Variants in HSD17B4 observed in about 807,000 individuals in gnomAD.
HSD17B4 encodes hydroxysteroid 17-beta dehydrogenase 4.
Under a neutral mutation model 101.0 loss-of-function variants are expected in HSD17B4, and 70 were observed. The ratio of observed to expected loss-of-function variants is 0.69; its 90% CI spans 0.57 to 0.85. The LOEUF is 0.85. HSD17B4 is among the 40% of genes least tolerant of loss of function. HSD17B4 has a pLI of 0.00. For missense variants in HSD17B4, 984 were observed against 892.4 expected (o/e 1.10, Z -1.31); for synonymous variants, 347 against 297.1 (o/e 1.17, Z -1.73).
At position 119,531,269 on chromosome 5, in the gene HSD17B4, G is replaced by A. The variant is rs778265488; in HGVS notation, c.1858G>A (p.Gly620Arg). 5.0e-6 allele frequency: 8 copies of A among 1,613,286 alleles called. No individual in the cohort carries two copies. The highest frequency in any genetic ancestry group is 2.2e-5 in the East Asian group (1 of 44,870). Residue 620 changes from glycine to arginine, a missense_variant, in exon 22 of 24, where the codon GGG (glycine) becomes AGG (arginine). Coordinates refer to ENST00000510025, the MANE Select transcript of HSD17B4 (RefSeq NM_000414.4). The part of the protein sequence containing the change: ...GTSAKTPSEG[G>R]KLQSTFVFEE... The stretch of plus-strand genomic sequence containing the variant: ...TTTATTTTGTTGTCGTTGTTAGGGC[G>A]GGAAGCTTCAGAGTACCTTTGTATT...
rs34353289 is a variant in HSD17B4, at chr5:119,452,548, C to T, written c.-28C>T. On this transcript the variant is annotated 5_prime_UTR_variant, in exon 1 of 24. Coordinates refer to ENST00000510025, the MANE Select transcript of HSD17B4 (RefSeq NM_000414.4). ...TCGGCGTCCAGCGGCTCTGCTTGTT[C>T]GTGTGTGTGTCGTTGCAGGCCTTAT... is the stretch of plus-strand genomic sequence containing the variant. 955 of 1,613,824 alleles carry T rather than the reference C, an allele frequency of 5.9e-4. 6 individuals are homozygous for T. The African/African-American group carries it at 0.011, about 19-fold the overall frequency.
chr5:119,461,544 T>C (rs760780100), intron 2 of HSD17B4, among the ~76,000 whole-genome samples: 7 of 152,178 alleles, frequency 4.6e-5, no homozygotes, highest in Non-Finnish European at 8.8e-5. Flanking sequence ...TCTATTTACC[T>C]ACTTATAGAA....
At chr5:119,457,769 T>A (rs911766272) in intron 2 of HSD17B4, among the ~76,000 whole-genome samples, 1 of 152,240 alleles carries the variant, frequency 6.6e-6, no homozygotes, top group African/African-American at 2.4e-5. Flanking sequence ...GATCTTGTTT[T>A]ATCTTTTGTA....
At chr5:119,486,387 G>GT (rs1749613448) in intron 8 of HSD17B4, among the ~76,000 whole-genome samples, 1 of 152,026 alleles carries the variant, frequency 6.6e-6, no homozygotes, top group African/African-American at 2.4e-5. Flanking sequence ...TCCATAACTT[G>GT]TGTCTATTTT....
intron 4 of HSD17B4, 37 bp downstream of exon 4, chr5:119,474,497 C>A: frequency 8.4e-7 from 1 of 1,194,802 alleles, no homozygotes. Context: ...TGTGGAGCAA[C>A]TTCTACCTTC....
In HSD17B4 at chr5:119,527,040, T is replaced by C. The variant is rs73251672; in HGVS notation, c.1681-93T>C. 85,917 of 727,366 alleles carry C rather than the reference T, an allele frequency of 0.12. 5,654 individuals are homozygous for C. Among genetic ancestry groups the C allele is most frequent in the South Asian group, 0.16 (10,415 of 64,062 alleles). 45.1% of individuals were successfully genotyped at this position (727,366 alleles called of 1,614,324 possible). On this transcript the variant is annotated intron_variant, in intron 19 of 23. Transcript: ENST00000510025. ...TTTAAACCTTGATTTTTTTTTTCTT[T>C]TGTGCTCTCTAGTTTCCTTTCCAAT...
intron 22 of HSD17B4, among the ~76,000 whole-genome samples, chr5:119,532,686 C>T (rs1462375293): frequency 6.6e-6 from 1 of 151,912 alleles, no homozygotes; most frequent in Non-Finnish European, 1.5e-5. Context: ...CCTTTGAATC[C>T]TATTTTATTG....
At chr5:119,473,442 C>A (rs186423584) in intron 2 of HSD17B4, among the ~76,000 whole-genome samples, 2 of 151,356 alleles carry the variant, frequency 1.3e-5, no homozygotes, top group Non-Finnish European at 2.9e-5. Flanking sequence ...CCTCAGCCTC[C>A]CAAGTAGCTG....
At chr5:119,537,260 G>A (rs1754616473) in intron 23 of HSD17B4, among the ~76,000 whole-genome samples, 1 of 152,050 alleles carries the variant, frequency 6.6e-6, no homozygotes, top group Non-Finnish European at 1.5e-5. Flanking sequence ...AGACTAAAAG[G>A]AATTGTAAAG....
chr5:119,478,195 C>T (rs1043264378), intron 7 of HSD17B4: 2 of 154,500 alleles, frequency 1.3e-5, no homozygotes, highest in African/African-American at 4.8e-5. Context: ...CATGATTGCT[C>T]CTAGATAAGT....
chr5:119,465,645 A>T (rs1012995987), intron 2 of HSD17B4, among the ~76,000 whole-genome samples: 2 of 152,206 alleles, frequency 1.3e-5, no homozygotes, highest in African/African-American at 4.8e-5. Context: ...GGTGTATAGA[A>T]ATGCTACTGA....
chr5:119,457,615 A>C (rs558509072), intron 2 of HSD17B4, among the ~76,000 whole-genome samples: 25 of 152,360 alleles, frequency 1.6e-4, no homozygotes, highest in Middle Eastern at 3.4e-3. Context: ...TTTCCCAAGA[A>C]TAGCTCATGT....
intron 4 of HSD17B4, 92 bp downstream of exon 4, chr5:119,474,552 C>A (rs1203961502): frequency 4.2e-5 from 34 of 801,716 alleles, no homozygotes; most frequent in Non-Finnish European, 6.8e-5. Flanking sequence ...TAAACAGATA[C>A]CTCTTTCCTC....
intron 17 of HSD17B4, among the ~76,000 whole-genome samples, chr5:119,517,311 G>C (rs529401228): frequency 1.3e-5 from 2 of 152,200 alleles, no homozygotes; most frequent in Non-Finnish European, 2.9e-5. Flanking sequence ...TGCTGTGCTC[G>C]ATTTCTCGCT....
intron 17 of HSD17B4, among the ~76,000 whole-genome samples, chr5:119,521,346 A>T (rs551144333): frequency 2.6e-5 from 4 of 152,096 alleles, no homozygotes; most frequent in Non-Finnish European, 4.4e-5. Flanking sequence ...TTTTGCTGGG[A>T]TATGTCTCAG....
Position 119,541,896 on chromosome 5 carries a change from T to C in HSD17B4, c.2122-9T>C, listed in dbSNP as rs573283226. On this transcript the variant is annotated splice_polypyrimidine_tract_variant and intron_variant, in intron 23 of 23. Transcript: ENST00000510025. ...CAGTTGGCACTCTTTTTCCCTCCTC[T>C]CCTTGCAGGCATTCTTTAGTGGCAG... 164 of 1,572,418 alleles carry C rather than the reference T, an allele frequency of 1.0e-4. No individual in the cohort carries two copies. The South Asian group carries it at 1.8e-3, about 17-fold the overall frequency.
rs1376828858 is a variant in HSD17B4, at chr5:119,490,574, A to AT, written c.714+1299dup. Among the ~76,000 whole-genome samples the AT allele has an allele frequency of 2.6e-5, 4 of 151,172 alleles. 1 individual carries two copies. The South Asian group carries it at 6.2e-4, about 24-fold the overall frequency. On this transcript the variant is annotated intron_variant, in intron 9 of 23. Coordinates refer to ENST00000510025, the MANE Select transcript of HSD17B4 (RefSeq NM_000414.4). The stretch of plus-strand genomic sequence containing the variant: ...GATATGTGTTTTATTTTTTATTTTT[A>AT]TTTTTTTTGAGGCAGAGTCTTTCTC...
chr5:119,509,396 C>A (rs1339859814), intron 16 of HSD17B4, 152 bp downstream of exon 16: 3 of 707,724 alleles, frequency 4.2e-6, no homozygotes, highest in Non-Finnish European at 7.7e-6. Context: ...CAAGACCAGT[C>A]CCTCTTCTTC....
intron 17 of HSD17B4, among the ~76,000 whole-genome samples, chr5:119,524,198 A>G (rs1312607105): frequency 6.6e-6 from 1 of 152,104 alleles, no homozygotes; most frequent in Non-Finnish European, 1.5e-5. Flanking sequence ...AAAGTAAATA[A>G]TCTATAGAAC....
Sources: allele counts gnomAD v4.1 joint callset (sites outside exome capture counted in the v4.1 genomes callset), GRCh38; gene constraint gnomAD v4.1.1; transcripts MANE v1.5; gene names NCBI Gene and HGNC (gene_info 2026-07-23, HGNC 2026-07-21).